Variants in SDK1 observed in about 807,000 individuals in gnomAD.
SDK1 encodes protein sidekick-1.
A neutral mutation model predicts 245.5 loss-of-function variants in SDK1; 157 were observed. The observed-to-expected ratio is 0.64, with a 90% CI of 0.56 to 0.73. The LOEUF is 0.73. Among genes scored for constraint, SDK1 ranks in the 30% least tolerant of loss-of-function variants. The pLI is 0.00. For missense variants in SDK1, 3,583 were observed against 3,002.3 expected (o/e 1.19, Z -4.52); for synonymous variants, 1,647 against 1,278.5 (o/e 1.29, Z -6.15).
At chr7:3,940,173 C>T (rs1780304491) in intron 5 of SDK1, among the ~76,000 whole-genome samples, 2 of 152,166 alleles carry the variant, frequency 1.3e-5, no homozygotes, top group South Asian at 4.2e-4. Context: ...CAGAACTTCT[C>T]ATTGTCAGAA....
chr7:3,757,337 G>C (rs113931519), intron 4 of SDK1, among the ~76,000 whole-genome samples: 1,850 of 152,098 alleles, frequency 0.012, 39 homozygotes, highest in African/African-American at 0.042. Flanking sequence ...GGTCTCAAGC[G>C]ATCCTCCCTT....
At position 3,609,425 on chromosome 7, in the gene SDK1, G is replaced by C. The variant is rs376584023; in HGVS notation, c.299-9655G>C. On this transcript the variant is annotated intron_variant, in intron 1 of 44. Coordinates refer to ENST00000404826, the MANE Select transcript of SDK1 (RefSeq NM_152744.4). ...TTTTTCTTTTTCTTTTTTTGAGACAGAGTCTCACTCTGTTGCCCAGGCTGG... is the reference window on the plus strand; with the variant it reads ...TTTTTCTTTTTCTTTTTTTGAGACACAGTCTCACTCTGTTGCCCAGGCTGG... Among the ~76,000 whole-genome samples the C allele has an allele frequency of 3.3e-5, 5 of 152,176 alleles. No individual in the cohort carries two copies. The East Asian group carries it at 7.7e-4, about 24-fold the overall frequency.
intron 1 of SDK1, among the ~76,000 whole-genome samples, chr7:3,330,824 A>C (rs935359042): frequency 7.3e-5 from 11 of 151,094 alleles, no homozygotes; most frequent in Non-Finnish European, 1.5e-4. Flanking sequence ...AAAAAAAAAA[A>C]AAAACCAGGT....
At chr7:4,117,543 C>T (rs1039532289) in intron 25 of SDK1, among the ~76,000 whole-genome samples, 1 of 152,202 alleles carries the variant, frequency 6.6e-6, no homozygotes, top group African/African-American at 2.4e-5. Context: ...GTGTCAGAGG[C>T]ATAACAGGAA....
chr7:3,832,381 T>G (rs1301760582), intron 5 of SDK1, among the ~76,000 whole-genome samples: 6 of 152,260 alleles, frequency 3.9e-5, no homozygotes, highest in Non-Finnish European at 5.9e-5. Flanking sequence ...TGGTAGCAGT[T>G]CAACTCCACC....
At chr7:3,683,995 G>C (rs1465352352) in intron 4 of SDK1, among the ~76,000 whole-genome samples, 1 of 152,182 alleles carries the variant, frequency 6.6e-6, no homozygotes, top group African/African-American at 2.4e-5. Context: ...GCTGGTTTCA[G>C]CGGGCAGAAT....
At chr7:3,806,925 C>A (rs1348290977) in intron 4 of SDK1, among the ~76,000 whole-genome samples, 1 of 152,070 alleles carries the variant, frequency 6.6e-6, no homozygotes, top group Non-Finnish European at 1.5e-5. Context: ...CTGTATCTTA[C>A]GTGTGTATTG....
chr7:3,398,898 C>T (rs1422215847), intron 1 of SDK1, among the ~76,000 whole-genome samples: 2 of 151,774 alleles, frequency 1.3e-5, no homozygotes, highest in Non-Finnish European at 2.9e-5. Flanking sequence ...TTTGTGTCTC[C>T]AGTTTTCAGT....
intron 4 of SDK1, among the ~76,000 whole-genome samples, chr7:3,778,223 T>A (rs1780621578): frequency 6.6e-6 from 1 of 151,944 alleles, no homozygotes; most frequent in Non-Finnish European, 1.5e-5. Flanking sequence ...GAAGTTTCAT[T>A]TGAAGCTGGA....
chr7:4,149,012 C>T (rs619725), intron 29 of SDK1, among the ~76,000 whole-genome samples: 20,139 of 152,080 alleles, frequency 0.13, 1,475 homozygotes, highest in Middle Eastern at 0.16. Flanking sequence ...GCTGAGATCA[C>T]GCCACTGCAC....
chr7:3,325,806 C>T (rs1408949784), intron 1 of SDK1, among the ~76,000 whole-genome samples: 1 of 152,052 alleles, frequency 6.6e-6, no homozygotes, highest in Non-Finnish European at 1.5e-5. Flanking sequence ...ACATTCTGCT[C>T]AACTAGTTTT....
chr7:3,872,918 T>G (rs922796762), intron 5 of SDK1, among the ~76,000 whole-genome samples: 12 of 152,272 alleles, frequency 7.9e-5, no homozygotes, highest in African/African-American at 2.2e-4. Context: ...ATTTTACTTT[T>G]ACATACAGTA....
At chr7:3,763,836 G>A (rs953059189) in intron 4 of SDK1, among the ~76,000 whole-genome samples, 8 of 152,004 alleles carry the variant, frequency 5.3e-5, no homozygotes, top group African/African-American at 1.9e-4. Context: ...CTGATAATAA[G>A]CAACAAACTA....
chr7:4,233,359 G>C lies in SDK1; in HGVS notation c.5932G>C (p.Val1978Leu). ...GCAAGGAGTGACTTACGAGTTCCGG[G>C]TGGTGGCTGTGAATGAGGCGGGCTA... ...LRQGVTYEFR[V>L]VAVNEAGYGE... is the part of the protein sequence containing the mutation. Residue 1978 changes from valine to leucine, a missense_variant, in exon 41 of 45, where the codon GTG (valine) becomes CTG (leucine). Transcript: ENST00000404826. The C allele has an allele frequency of 6.2e-7, 1 of 1,613,870 alleles. No individual in the cohort carries two copies.
chr7:3,305,151 T>C (rs766107646), intron 1 of SDK1, among the ~76,000 whole-genome samples: 39 of 152,200 alleles, frequency 2.6e-4, no homozygotes, highest in African/African-American at 9.2e-4. Flanking sequence ...TTTTCACTTA[T>C]GTATCGTTTA....
Position 3,849,683 on chromosome 7 carries a change from C to T in SDK1, c.847+28100C>T, listed in dbSNP as rs573804273. Among the ~76,000 whole-genome samples, 21 of 152,224 alleles carry T rather than the reference C, an allele frequency of 1.4e-4. No homozygotes were observed. The South Asian group carries it at 3.7e-3, about 27-fold the overall frequency. On this transcript the variant is annotated intron_variant, in intron 5 of 44. Coordinates refer to ENST00000404826, the MANE Select transcript of SDK1 (RefSeq NM_152744.4). ...ATTTTGATGGATGATTCTTAGAGGG[C>T]GGCGTATTTTGATAATAGATTGGAA...
At position 3,309,542 on chromosome 7, in the gene SDK1, T is replaced by TTTTTTTTA. The variant is rs1554256117; in HGVS notation, c.298+7658_298+7659insTTTTTTTA. Among the ~76,000 whole-genome samples, 368 of 148,736 alleles carry TTTTTTTTA rather than the reference T, an allele frequency of 2.5e-3. 2 individuals are homozygous for TTTTTTTTA. Among genetic ancestry groups the TTTTTTTTA allele is most frequent in the Non-Finnish European group, 4.2e-3 (281 of 67,006 alleles). The stretch of plus-strand genomic sequence containing the variant: ...GAAAAAGATTTTTTTTTTTTTTTTT[T>TTTTTTTTA]ACATGAGTGTATAAACTGTTCCCAA... On this transcript the variant is annotated intron_variant, in intron 1 of 44. Coordinates refer to ENST00000404826, the MANE Select transcript of SDK1 (RefSeq NM_152744.4).
chr7:4,099,073 A>G (rs1214171904), intron 22 of SDK1, among the ~76,000 whole-genome samples: 1 of 152,008 alleles, frequency 6.6e-6, no homozygotes, highest in Non-Finnish European at 1.5e-5. Context: ...GAGCAGGGTC[A>G]GCCAGGAAGG....
At chr7:3,992,810 CTG>C (rs1363938317) in intron 14 of SDK1, among the ~76,000 whole-genome samples, 1 of 152,114 alleles carries the variant, frequency 6.6e-6, no homozygotes, top group Non-Finnish European at 1.5e-5. Flanking sequence ...CTACTTATCT[CTG>C]TAAATTGTAG....
Sources: allele counts gnomAD v4.1 joint callset (sites outside exome capture counted in the v4.1 genomes callset), GRCh38; gene constraint gnomAD v4.1.1; transcripts MANE v1.5; gene names NCBI Gene and HGNC (gene_info 2026-07-23, HGNC 2026-07-21).